Variants in TRHDE observed in about 807,000 individuals in gnomAD.
The protein encoded by TRHDE is thyrotropin-releasing hormone-degrading ectoenzyme.
TRHDE carries 72 observed loss-of-function variants against 125.7 expected under a neutral mutation model. That is an observed-to-expected ratio of 0.57 (90% CI 0.47 to 0.70). TRHDE has a LOEUF of 0.70. Among genes scored for constraint, TRHDE ranks in the 30% least tolerant of loss-of-function variants. TRHDE has a pLI of 0.00. For missense variants in TRHDE, 1,110 were observed against 1,327.1 expected, an observed-to-expected ratio of 0.84 and a Z score of 2.54; for synonymous variants, 509 against 509.1, an observed-to-expected ratio of 1.00 and a Z score of 0.00.
rs1373466396 is a variant in TRHDE, at chr12:72,273,293, C to T, written c.650C>T (p.Ala217Val). 6.2e-7 allele frequency: 1 copy of T among 1,614,062 alleles called. No individual in the cohort carries two copies. The highest frequency in any genetic ancestry group is 2.2e-5 in the East Asian group (1 of 44,858). The change falls in exon 1 of 19, where the codon GCG (alanine) becomes GTG (valine). Residue 217 changes from alanine to valine, a missense_variant. By Grantham distance (64) the Ala-to-Val change is moderately conservative. Transcript: ENST00000261180. The surrounding 1 kb of genome is among the most constrained non-coding windows in gnomAD (Gnocchi z 5.3). ...TFSGEVNVEIACRNATRYVVL... is the reference protein window; with the variant it reads ...TFSGEVNVEIVCRNATRYVVL... Reference sequence around the variant, plus strand: ...TCCGGGGAGGTCAACGTGGAGATCGCGTGCCGGAACGCCACCCGCTACGTA... The same window carrying T: ...TCCGGGGAGGTCAACGTGGAGATCGTGTGCCGGAACGCCACCCGCTACGTA...
At chr12:72,574,381 TGTCTGTGC>T (rs1380501869) in intron 10 of TRHDE, among the ~76,000 whole-genome samples, 3 of 151,994 alleles carry the variant, frequency 2.0e-5, no homozygotes, top group Non-Finnish European at 2.9e-5. Flanking sequence ...AGACTATGTA[TGTCTGTGC>T]GTATGTGTAT....
Position 72,311,367 on chromosome 12 carries a change from A to G in TRHDE, c.1188+24413A>G, listed in dbSNP as rs530448250. On this transcript the variant is annotated intron_variant, in intron 2 of 18. Coordinates refer to ENST00000261180, the MANE Select transcript of TRHDE (RefSeq NM_013381.3). Reference sequence around the variant, plus strand: ...TATGAACATATCAGTGTATGTGTCTATAATTATGGTCGTCTATGGGCAGCT... The same window carrying G: ...TATGAACATATCAGTGTATGTGTCTGTAATTATGGTCGTCTATGGGCAGCT... Among the ~76,000 whole-genome samples, 42 of 152,286 alleles carry G rather than the reference A, an allele frequency of 2.8e-4. 3 individuals carry two copies. In the South Asian group the frequency reaches 7.0e-3, roughly 26 times the overall value.
chr12:72,253,578 A>C (rs545305268), intron 2 of TRHDE: 1 of 152,258 alleles, frequency 6.6e-6, no homozygotes, highest in South Asian at 2.1e-4. Flanking sequence ...AAGGTACAGA[A>C]ATTGCTCACA....
In TRHDE at chr12:72,272,500, C is replaced by T. The variant is rs539225758; in HGVS notation, c.-144C>T. The T allele has an allele frequency of 5.6e-5, 31 of 549,186 alleles. No homozygotes were observed. Among genetic ancestry groups the T allele is most frequent in the East Asian group, 4.3e-4 (14 of 32,780 alleles). 34.0% of individuals were successfully genotyped at this position (549,186 alleles called of 1,614,324 possible). On this transcript the variant is annotated 5_prime_UTR_variant, in exon 1 of 19. Coordinates refer to ENST00000261180, the MANE Select transcript of TRHDE (RefSeq NM_013381.3). The surrounding 1 kb of genome is among the most constrained non-coding windows in gnomAD (Gnocchi z 6.7). Reference sequence around the variant, plus strand: ...AGCTGCCGTCGCTTGTGTCCAGAACCCGTCTTAAAAGAACCCGGGCCAGCA... The same window carrying T: ...AGCTGCCGTCGCTTGTGTCCAGAACTCGTCTTAAAAGAACCCGGGCCAGCA...
intron 12 of TRHDE, among the ~76,000 whole-genome samples, chr12:72,577,389 G>A (rs931511934): frequency 6.6e-6 from 1 of 152,138 alleles, no homozygotes; most frequent in Non-Finnish European, 1.5e-5. Flanking sequence ...AGCTCAGAGA[G>A]GTCACACAGC....
intron 12 of TRHDE, among the ~76,000 whole-genome samples, chr12:72,603,277 A>G (rs1256628868): frequency 6.6e-6 from 1 of 152,124 alleles, no homozygotes; most frequent in Non-Finnish European, 1.5e-5. Context: ...AATGAAATGG[A>G]AAAAGCAATG....
At chr12:72,171,211 GA>G (rs1876866036) in intron 2 of TRHDE, among the ~76,000 whole-genome samples, 1 of 151,794 alleles carries the variant, frequency 6.6e-6, no homozygotes, top group South Asian at 2.1e-4. Context: ...GGGATTTAGG[GA>G]AGGAATCTTT....
At position 72,542,248 on chromosome 12, in the gene TRHDE, T is replaced by C. The variant is rs1299740153; in HGVS notation, c.1723-43T>C. 2.8e-6 allele frequency: 4 copies of C among 1,450,094 alleles called. No individual in the cohort carries two copies. In the South Asian group the frequency reaches 4.0e-5, roughly 15 times the overall value. The allele number at this position is 1,450,094 out of a possible 1,614,324, so 89.8% of individuals were successfully genotyped here. On this transcript the variant is annotated intron_variant, in intron 6 of 18. Transcript: ENST00000261180. ...GAGTAAAACAACTTTACAATCATGA[T>C]ACTTTGTTGAAATTCTGTTCTTTTT...
intron 2 of TRHDE, among the ~76,000 whole-genome samples, chr12:72,135,661 T>C (rs1875967761): frequency 6.6e-6 from 1 of 151,822 alleles, no homozygotes; most frequent in Non-Finnish European, 1.5e-5. Context: ...TTACTTGTGA[T>C]AAAATACAAG....
chr12:72,498,906 T>C (rs930127044), intron 5 of TRHDE, among the ~76,000 whole-genome samples: 2 of 151,924 alleles, frequency 1.3e-5, no homozygotes, highest in Non-Finnish European at 2.9e-5. Flanking sequence ...TCTAGCTTGA[T>C]GTGAAGAGTG....
chr12:72,573,333 C>T (rs1488096548), intron 10 of TRHDE, among the ~76,000 whole-genome samples: 1 of 151,760 alleles, frequency 6.6e-6, no homozygotes, highest in East Asian at 1.9e-4. Flanking sequence ...ATTTTTGCAG[C>T]AATTGTTTGA....
intron 3 of TRHDE, among the ~76,000 whole-genome samples, chr12:72,395,316 G>A (rs1872747792): frequency 6.6e-6 from 1 of 152,096 alleles, no homozygotes; most frequent in Admixed American, 6.5e-5. Context: ...ACCCTTGAGA[G>A]GCCTTAATCT....
At chr12:72,171,813 A>G (rs1356000290) in intron 2 of TRHDE, among the ~76,000 whole-genome samples, 2 of 152,196 alleles carry the variant, frequency 1.3e-5, no homozygotes, top group Non-Finnish European at 2.9e-5. Flanking sequence ...CTATCATTAT[A>G]TGAGTCATAT....
rs141391144 is a variant in TRHDE, at chr12:72,499,542, G to A, written c.1629G>A (p.Leu543=). 4 of 1,613,752 alleles carry A rather than the reference G, an allele frequency of 2.5e-6. No homozygotes were observed. The African/African-American group carries it at 5.3e-5, about 22-fold the overall frequency. Residue 543 remains leucine, a synonymous_variant, in exon 6 of 19, where the codon CTG becomes CTA. Transcript: ENST00000261180. ...FLTDVLHEVM[L]LDGLASSHPV... is the part of the protein sequence containing the mutation. ...CCGATGTTCTGCATGAAGTGATGCT[G>A]CTGGACGGTTTGGCCAGTTCCCATC...
chr12:72,231,203 A>G (rs770616119), intron 2 of TRHDE, among the ~76,000 whole-genome samples: 1 of 152,172 alleles, frequency 6.6e-6, no homozygotes, highest in Non-Finnish European at 1.5e-5. Context: ...AAAAAAAATC[A>G]GCACACACAA....
At chr12:72,298,373 A>G (rs1233004464) in intron 2 of TRHDE, among the ~76,000 whole-genome samples, 2 of 152,172 alleles carry the variant, frequency 1.3e-5, no homozygotes, top group African/African-American at 4.8e-5. Context: ...TTGCCAGTCC[A>G]GTTGTCTCTT....
chr12:72,577,437 C>T (rs1252993428), intron 12 of TRHDE, among the ~76,000 whole-genome samples: 3 of 152,164 alleles, frequency 2.0e-5, no homozygotes, highest in Non-Finnish European at 4.4e-5. Context: ...TCCAGGTGGT[C>T]TGTCTTCAGA....
At chr12:72,598,822 C>T (rs1007407284) in intron 12 of TRHDE, among the ~76,000 whole-genome samples, 20 of 151,860 alleles carry the variant, frequency 1.3e-4, no homozygotes, top group African/African-American at 4.8e-4. Flanking sequence ...GAAATGATCC[C>T]ATCAGCCAGA....
chr12:72,178,370 A>G (rs1016321241), intron 2 of TRHDE, among the ~76,000 whole-genome samples: 1 of 152,146 alleles, frequency 6.6e-6, no homozygotes, highest in Non-Finnish European at 1.5e-5. Flanking sequence ...ACTAAAATTT[A>G]AAATTCCAAA....
Sources: gnomAD v4.1 joint callset for allele counts (sites outside exome capture counted in the v4.1 genomes callset) on GRCh38, gnomAD v4.1.1 for gene constraint, Gnocchi (gnomAD v3.1) non-coding constraint, MANE v1.5 for transcripts, NCBI Gene and HGNC (gene_info 2026-07-23, HGNC 2026-07-21) for gene names.